Variants in LSG1 observed in about 807,000 individuals in gnomAD.
LSG1 encodes the protein large 60S subunit nuclear export GTPase 1, also known as large subunit GTPase 1 homolog.
In LSG1, 55 loss-of-function variants were observed where a neutral mutation model predicts 82.6. That is an observed-to-expected ratio of 0.67 (90% CI 0.54 to 0.83). The LOEUF is 0.83. LSG1 is among the 40% of genes least tolerant of loss of function. LSG1 has a pLI of 0.00. For synonymous variants in LSG1, 272 were observed against 282.5 expected (o/e 0.96, Z 0.37); for missense variants, 809 against 807.9 (o/e 1.00, Z -0.02).
chr3:194,658,128 A>G (rs1718844562), intron 7 of LSG1, among the ~76,000 whole-genome samples: 1 of 152,022 alleles, frequency 6.6e-6, no homozygotes, highest in South Asian at 2.1e-4. Context: ...TCTAATTACT[A>G]ATTTCTTTTC....
At chr3:194,661,013 C>T (rs1705967) in intron 5 of LSG1, 258,751 of 389,194 alleles carry the variant, frequency 0.66, 88,548 homozygotes, top group East Asian at 0.87. Flanking sequence ...GCATGACTAC[C>T]TCACGGCAGA....
chr3:194,668,919 ACT>A (rs10598039), intron 2 of LSG1, among the ~76,000 whole-genome samples: 97,862 of 151,882 alleles, frequency 0.64, 32,275 homozygotes, highest in East Asian at 0.87. Flanking sequence ...TGAATGAACC[ACT>A]CTGCTATGAG....
At chr3:194,670,170 T>A in intron 1 of LSG1, 35 bp from the exon 2 acceptor site, 1 of 1,609,414 alleles carries the variant, frequency 6.2e-7, no homozygotes, top group Non-Finnish European at 8.5e-7. Context: ...ATACAGCTGC[T>A]CTCTTCTGCT....
intron 7 of LSG1, among the ~76,000 whole-genome samples, chr3:194,654,481 C>T (rs139258510): frequency 6.6e-6 from 1 of 152,158 alleles, no homozygotes; most frequent in Non-Finnish European, 1.5e-5. Context: ...GAAATAAAAA[C>T]AAAATGTCAG....
Position 194,648,690 on chromosome 3 carries a change from C to G in LSG1, c.1534G>C (p.Ala512Pro). Residue 512 changes from alanine (A) to proline (P), a missense_variant, in exon 11 of 14, where the codon GCT becomes CCT. Transcript: ENST00000265245. ...RPPTSEELLT[A>P]YGYMRGFMTA... is the part of the protein sequence containing the mutation. ...ATGAATCACAACTTACATCCATAAG[C>G]TGTCAACAGTTCTTCCGATGTTGGA... The G allele has an allele frequency of 6.2e-7, 1 of 1,614,012 alleles. No homozygotes were observed. The highest frequency in any genetic ancestry group is 1.7e-5 in the Admixed American group (1 of 60,004).
chr3:194,647,277 C>G (rs1455735759), intron 11 of LSG1, among the ~76,000 whole-genome samples: 4 of 152,154 alleles, frequency 2.6e-5, no homozygotes, highest in African/African-American at 9.7e-5. Flanking sequence ...TTAAAATTGT[C>G]AACTTCTTTG....
At chr3:194,648,899 G>T in intron 10 of LSG1, 95 bp from the exon 11 acceptor site, 4 of 1,225,420 alleles carry the variant, frequency 3.3e-6, no homozygotes, top group Non-Finnish European at 2.4e-6. Context: ...CATTCCGCGT[G>T]TGACAAACAC....
chr3:194,644,383 A>AAC (rs1468637644), intron 13 of LSG1, among the ~76,000 whole-genome samples, 190 bp downstream of exon 13: 1 of 132,858 alleles, frequency 7.5e-6, no homozygotes, highest in Non-Finnish European at 1.6e-5. Context: ...AAAAAAAATA[A>AAC]AAATAAATAA....
At position 194,660,116 on chromosome 3, in the gene LSG1, A is replaced by G; in HGVS notation, c.539T>C (p.Ile180Thr). 6.2e-7 allele frequency: 1 copy of G among 1,614,096 alleles called. No individual in the cohort carries two copies. Among genetic ancestry groups the G allele is most frequent in the Non-Finnish European group, 8.5e-7 (1 of 1,179,940 alleles). The change falls in exon 6 of 14, where the codon ATA becomes ACA. Residue 180 changes from isoleucine to threonine, a missense_variant. Transcript: ENST00000265245. ...VIERSDIVVQ[I>T]VDARNPLLFR... ...CAGGAGTGGGTTTCGAGCATCTACT[A>G]TCTGGACCACAATATCACTGAAAAA...
chr3:194,664,040 T>C (rs1354654558), intron 5 of LSG1, among the ~76,000 whole-genome samples: 1 of 152,160 alleles, frequency 6.6e-6, no homozygotes, highest in East Asian at 1.9e-4. Flanking sequence ...TGGTGCGATC[T>C]CGGCTCACTG....
Position 194,650,755 on chromosome 3 carries a change from T to G in LSG1, c.1419+126A>C, listed in dbSNP as rs1320799685. On this transcript the variant is annotated intron_variant, in intron 10 of 13. Transcript: ENST00000265245. Reference sequence around the variant, plus strand: ...GAAGTTCTCATGCTATCTCACAGTATAAACTTGTGCAGATCACTAGTATTT... The same window carrying G: ...GAAGTTCTCATGCTATCTCACAGTAGAAACTTGTGCAGATCACTAGTATTT... The G allele has an allele frequency of 4.3e-6, 4 of 939,442 alleles. No individual in the cohort carries two copies. In the African/African-American group the frequency reaches 5.0e-5, roughly 12 times the overall value. The allele number at this position is 939,442 out of a possible 1,614,324, so 58.2% of individuals were successfully genotyped here.
intron 5 of LSG1, among the ~76,000 whole-genome samples, chr3:194,663,437 AAAGCC>A (rs1476275403): frequency 0.018 from 358 of 19,722 alleles, no homozygotes; most frequent in Middle Eastern, 0.043. Context: ...CGCCTCAGAG[AAAGCC>A]TTTCCCTTCT....
Position 194,640,862 on chromosome 3 carries a change from C to G in LSG1, c.*1206G>C, listed in dbSNP as rs371981876. 1 of 152,426 alleles carries G rather than the reference C, an allele frequency of 6.6e-6. No individual in the cohort carries two copies. Among genetic ancestry groups the G allele is most frequent in the Non-Finnish European group, 1.5e-5 (1 of 68,162 alleles). The allele number at this position is 152,426 out of a possible 1,614,324, so 9.4% of individuals were successfully genotyped here. The stretch of plus-strand genomic sequence containing the variant: ...ACAGGAAGCACAGCAGCTTTTGCTT[C>G]TAGGGAGGCCTCAGGAAACTTACAA... On this transcript the variant is annotated 3_prime_UTR_variant, in exon 14 of 14. Coordinates refer to ENST00000265245, the MANE Select transcript of LSG1 (RefSeq NM_018385.3).
At chr3:194,648,971 T>C in intron 10 of LSG1, 167 bp from the exon 11 acceptor site, 1 of 635,642 alleles carries the variant, frequency 1.6e-6, no homozygotes, top group Non-Finnish European at 2.6e-6. Flanking sequence ...AGTTGTTTTT[T>C]CCCTTTTAAA....
At position 194,654,723 on chromosome 3, in the gene LSG1, T is replaced by C. The variant is rs1053748822; in HGVS notation, c.760-1581A>G. On this transcript the variant is annotated intron_variant, in intron 7 of 13. Coordinates refer to ENST00000265245, the MANE Select transcript of LSG1 (RefSeq NM_018385.3). ...TAGAAAAACTACAGCGGGGAGCAGT[T>C]CAGCTTCAGGAAAAGTACTAAAGAC... Among the ~76,000 whole-genome samples the C allele has an allele frequency of 4.6e-5, 7 of 152,158 alleles. No individual in the cohort carries two copies. The East Asian group carries it at 9.6e-4, about 21-fold the overall frequency.
At chr3:194,670,230 G>C in intron 1 of LSG1, 95 bp from the exon 2 acceptor site, 1 of 1,364,888 alleles carries the variant, frequency 7.3e-7, no homozygotes, top group Admixed American at 1.8e-5. Flanking sequence ...CTATGGTCTT[G>C]AGGGTGGTTG....
rs201637957 is a variant in LSG1 at position 194,652,982 on chromosome 3, T to A, written c.920A>T (p.Tyr307Phe). ...TTCCTCCTCCTCTGGACAGTCCTCA[T>A]ACTCACTGTCATCTTCATCCGTTGT... Reference protein sequence around the residue: ...NPTTDEDDSEYEDCPEEEEDD... With the variant: ...NPTTDEDDSEFEDCPEEEEDD... Residue 307 changes from tyrosine (Y) to phenylalanine (F), a missense_variant, in exon 8 of 14, where the codon TAT becomes TTT. Tyr to Phe is a conservative substitution (Grantham distance 22). Transcript: ENST00000265245. 85 of 1,614,084 alleles carry A rather than the reference T, an allele frequency of 5.3e-5. No homozygotes were observed. Among genetic ancestry groups the A allele is most frequent in the Non-Finnish European group, 6.9e-5 (82 of 1,180,032 alleles).
In LSG1 at chr3:194,642,221, T is replaced by A. The variant is rs760285679; in HGVS notation, c.1824A>T (p.Gly608=). The A allele has an allele frequency of 1.9e-6, 3 of 1,613,724 alleles. No homozygotes were observed. The highest frequency in any genetic ancestry group is 2.5e-6 in the Non-Finnish European group (3 of 1,179,914). Residue 608 remains glycine (G), a synonymous_variant, in exon 14 of 14, where the codon GGA becomes GGT. Coordinates refer to ENST00000265245, the MANE Select transcript of LSG1 (RefSeq NM_018385.3). ...HQENVRALTK[G]VQAVMGYKPG... Reference sequence around the variant, plus strand: ...GCTTGTAACCCATCACAGCCTGGACTCCTTTGGTCAAAGCCCTCACATTCT... The same window carrying A: ...GCTTGTAACCCATCACAGCCTGGACACCTTTGGTCAAAGCCCTCACATTCT...
chr3:194,649,732 T>A (rs933030177), intron 10 of LSG1, among the ~76,000 whole-genome samples: 1 of 151,930 alleles, frequency 6.6e-6, no homozygotes, highest in African/African-American at 2.4e-5. Context: ...TATATATGTA[T>A]CTATGAATAA....
Sources: allele counts gnomAD v4.1 joint callset (sites outside exome capture counted in the v4.1 genomes callset), GRCh38; gene constraint gnomAD v4.1.1; transcripts MANE v1.5; gene names NCBI Gene and HGNC (gene_info 2026-07-23, HGNC 2026-07-21).